The following RABGAP1L variants were observed in gnomAD, a reference collection of about 807,000 sequenced individuals.
RABGAP1L encodes RAB GTPase activating protein 1 like.
A neutral mutation model predicts 137.7 loss-of-function variants in RABGAP1L; 63 were observed. The observed-to-expected ratio is 0.46, with a 90% CI of 0.37 to 0.56. RABGAP1L has a LOEUF of 0.56. Ranked by LOEUF, RABGAP1L falls within the 20% of genes least tolerant of loss-of-function variation. RABGAP1L has a pLI of 0.00. For synonymous variants in RABGAP1L, 431 were observed against 433.7 expected, an observed-to-expected ratio of 0.99 and a Z score of 0.08; for missense variants, 1,095 against 1,244.0, an observed-to-expected ratio of 0.88 and a Z score of 1.80.
chr1:174,500,892 G>A (rs1661197901), intron 13 of RABGAP1L, among the ~76,000 whole-genome samples: 1 of 152,154 alleles, frequency 6.6e-6, no homozygotes, highest in Non-Finnish European at 1.5e-5. Context: ...AAATGGGAGT[G>A]ATGAATCATT....
chr1:174,901,089 A>G (rs1040884161), intron 19 of RABGAP1L, among the ~76,000 whole-genome samples: 7 of 151,884 alleles, frequency 4.6e-5, no homozygotes, highest in African/African-American at 1.5e-4. Context: ...CTATTCTGCT[A>G]TTTATACTTG....
At chr1:174,654,718 G>A (rs333452) in intron 14 of RABGAP1L, among the ~76,000 whole-genome samples, 1 of 151,836 alleles carries the variant, frequency 6.6e-6, no homozygotes, top group African/African-American at 2.4e-5. Context: ...TTGCCAAAGG[G>A]CTTTTTTTCT....
At chr1:174,793,119 C>T (rs576943655) in intron 18 of RABGAP1L, among the ~76,000 whole-genome samples, 11 of 150,802 alleles carry the variant, frequency 7.3e-5, no homozygotes, top group Middle Eastern at 3.4e-3. Flanking sequence ...TTAACAAGAG[C>T]GAAACTCCAT....
intron 13 of RABGAP1L, among the ~76,000 whole-genome samples, chr1:174,543,044 G>A (rs1015497544): frequency 6.6e-6 from 1 of 152,214 alleles, no homozygotes; most frequent in African/African-American, 2.4e-5. Context: ...TAAGGGTGAT[G>A]TGGTGCTGAG....
chr1:174,743,437 G>T (rs1683613766), intron 17 of RABGAP1L, among the ~76,000 whole-genome samples: 2 of 152,166 alleles, frequency 1.3e-5, no homozygotes, highest in Non-Finnish European at 1.5e-5. Flanking sequence ...ACTATCTATT[G>T]AACTATTGGG....
intron 20 of RABGAP1L, 25 bp downstream of exon 20, chr1:174,957,574 C>A: frequency 6.4e-7 from 1 of 1,557,072 alleles, no homozygotes; most frequent in Non-Finnish European, 8.9e-7. Context: ...TTGCACCTAT[C>A]AAAGTACCTT....
intron 11 of RABGAP1L, among the ~76,000 whole-genome samples, chr1:174,364,268 T>C (rs1684407355): frequency 8.7e-6 from 1 of 115,372 alleles, no homozygotes; most frequent in African/African-American, 4.0e-5. Flanking sequence ...TTTTTTTTTT[T>C]TTTTGAGACG....
intron 13 of RABGAP1L, among the ~76,000 whole-genome samples, chr1:174,604,447 A>T (rs1177336350): frequency 6.6e-6 from 1 of 152,146 alleles, no homozygotes; most frequent in Non-Finnish European, 1.5e-5. Flanking sequence ...GCAATTCAAG[A>T]CTGTCTTTTC....
At chr1:174,786,227 A>G (rs1244964131) in intron 18 of RABGAP1L, among the ~76,000 whole-genome samples, 6 of 152,178 alleles carry the variant, frequency 3.9e-5, no homozygotes, top group Admixed American at 3.3e-4. Context: ...AAACTTGTCA[A>G]TCAGATATTT....
chr1:174,331,975 C>T (rs1681072932), intron 11 of RABGAP1L, among the ~76,000 whole-genome samples: 1 of 152,132 alleles, frequency 6.6e-6, no homozygotes, highest in African/African-American at 2.4e-5. Context: ...TGGAGTCTCG[C>T]TCTGTCTCCC....
intron 17 of RABGAP1L, among the ~76,000 whole-genome samples, chr1:174,718,412 A>G (rs1681198960): frequency 1.3e-5 from 2 of 152,170 alleles, no homozygotes; most frequent in African/African-American, 4.8e-5. Context: ...TTAGAGTTGT[A>G]TTATAAAAGA....
At chr1:174,204,618 G>T (rs966281547) in intron 1 of RABGAP1L, among the ~76,000 whole-genome samples, 6 of 152,094 alleles carry the variant, frequency 3.9e-5, no homozygotes, top group Admixed American at 6.6e-5. Context: ...AAGGGGTGTT[G>T]AATTTTACCA....
At chr1:174,528,889 TTTTTTA>T (rs1481408924) in intron 13 of RABGAP1L, among the ~76,000 whole-genome samples, 5 of 151,738 alleles carry the variant, frequency 3.3e-5, no homozygotes, top group Admixed American at 2.6e-4. Flanking sequence ...TCACTCATTC[TTTTTTA>T]TTCTTTTTTA....
intron 18 of RABGAP1L, among the ~76,000 whole-genome samples, chr1:174,784,083 G>A (rs1455347875): frequency 7.1e-5 from 9 of 126,942 alleles, no homozygotes; most frequent in African/African-American, 2.6e-4. Context: ...GCAGTGGTGC[G>A]ATCTCGGCTC....
intron 18 of RABGAP1L, among the ~76,000 whole-genome samples, chr1:174,811,401 G>A (rs1033671715): frequency 2.6e-5 from 4 of 152,126 alleles, no homozygotes; most frequent in East Asian, 1.9e-4. Flanking sequence ...TGTAACTGAT[G>A]TATTTTGGTT....
At chr1:174,915,685 G>C (rs939957613) in intron 19 of RABGAP1L, among the ~76,000 whole-genome samples, 1 of 152,120 alleles carries the variant, frequency 6.6e-6, no homozygotes, top group African/African-American at 2.4e-5. Context: ...TCAATCTCTC[G>C]ACCTCATGAT....
chr1:174,796,011 G>A (rs1157712670), intron 18 of RABGAP1L, among the ~76,000 whole-genome samples: 2 of 152,132 alleles, frequency 1.3e-5, no homozygotes, highest in Admixed American at 1.3e-4. Flanking sequence ...TTATTTGCAG[G>A]GCCCCAGGCA....
intron 19 of RABGAP1L, among the ~76,000 whole-genome samples, chr1:174,927,670 G>A (rs1663071250): frequency 6.6e-6 from 1 of 152,150 alleles, no homozygotes; most frequent in African/African-American, 2.4e-5. Context: ...TCCTGCCTTG[G>A]CATCCCGAGT....
chr1:174,853,751 A>C (rs535297713), intron 19 of RABGAP1L, among the ~76,000 whole-genome samples: 4 of 152,198 alleles, frequency 2.6e-5, no homozygotes, highest in South Asian at 4.2e-4. Context: ...AACAAAAAAA[A>C]CAAAAAGGCT....
Sources: gnomAD v4.1 joint callset for allele counts (sites outside exome capture counted in the v4.1 genomes callset) on GRCh38, gnomAD v4.1.1 for gene constraint, MANE v1.5 for transcripts, NCBI Gene and HGNC (gene_info 2026-07-23, HGNC 2026-07-21) for gene names.